The following KHDRBS2 variants were observed in gnomAD, a reference collection of about 807,000 sequenced individuals.
KHDRBS2 encodes the protein KH RNA binding domain containing, signal transduction associated 2, also known as KH domain-containing, RNA-binding, signal transduction-associated protein 2.
Under a neutral mutation model 44.3 loss-of-function variants are expected in KHDRBS2, and 26 were observed. The ratio of observed to expected loss-of-function variants is 0.59; its 90% CI spans 0.43 to 0.81. The LOEUF (loss-of-function observed/expected upper bound fraction) is 0.81, where lower values mean the gene tolerates loss of function less well. Ranked by LOEUF, KHDRBS2 falls within the 40% of genes least tolerant of loss-of-function variation. The pLI, the probability that KHDRBS2 is intolerant of heterozygous loss-of-function variation, is 0.00. For missense variants in KHDRBS2, 476 were observed against 433.1 expected, an observed-to-expected ratio of 1.10 and a Z score of -0.88; for synonymous variants, 194 against 151.1, an observed-to-expected ratio of 1.28 and a Z score of -2.08.
At chr6:62,077,726 T>C (rs1360802716) in intron 2 of KHDRBS2, among the ~76,000 whole-genome samples, 1 of 152,030 alleles carries the variant, frequency 6.6e-6, no homozygotes, top group Non-Finnish European at 1.5e-5. Flanking sequence ...ATACCTTCGG[T>C]TATGCTCATT....
intron 6 of KHDRBS2, among the ~76,000 whole-genome samples, chr6:61,853,813 C>T (rs933315940): frequency 2.6e-5 from 4 of 152,158 alleles, no homozygotes; most frequent in Non-Finnish European, 5.9e-5. Flanking sequence ...CTATTTGTTG[C>T]TCTATCCTGC....
intron 3 of KHDRBS2, among the ~76,000 whole-genome samples, chr6:62,031,790 T>G (rs781343608): frequency 6.6e-6 from 1 of 152,018 alleles, no homozygotes; most frequent in Non-Finnish European, 1.5e-5. Context: ...CTGCACCCAC[T>G]TGGGGCCTGG....
chr6:61,994,439 T>A lies in KHDRBS2; in HGVS notation c.337-16227A>T, dbSNP rs142672872. 4.0e-3 allele frequency among the ~76,000 whole-genome samples: 607 copies of A among 152,292 alleles called. 1 individual carries two copies. The highest frequency in any genetic ancestry group is 0.02 in the Middle Eastern group (6 of 294). ...CATTCCCCTTTTGAGACTGCCTACA[T>A]CTGCCTGAAACATAAGGATCTGGAA... On this transcript the variant is annotated intron_variant, in intron 3 of 8. Coordinates refer to ENST00000281156, the MANE Select transcript of KHDRBS2 (RefSeq NM_152688.4).
At chr6:62,104,753 T>A (rs1408627930) in intron 2 of KHDRBS2, among the ~76,000 whole-genome samples, 1 of 151,734 alleles carries the variant, frequency 6.6e-6, no homozygotes, top group African/African-American at 2.4e-5. Flanking sequence ...AAAGAACAAA[T>A]TAAATATTAT....
At position 62,262,365 on chromosome 6, in the gene KHDRBS2, T is replaced by G. The variant is rs1838491564; in HGVS notation, c.91+23493A>C. On this transcript the variant is annotated intron_variant, in intron 1 of 8. Coordinates refer to ENST00000281156, the MANE Select transcript of KHDRBS2 (RefSeq NM_152688.4). ...TCACCGATTGCTTTATAAAAAGATC[T>G]CATTTTGTATATAACCAGGTGAAAT... 2.6e-5 allele frequency among the ~76,000 whole-genome samples: 4 copies of G among 151,854 alleles called. No individual in the cohort carries two copies. The South Asian group carries it at 8.3e-4, about 32-fold the overall frequency.
At chr6:61,615,407 G>T in the KHDRBS2 span, among the ~76,000 whole-genome samples, 1 of 152,042 alleles carries the variant, frequency 6.6e-6, no homozygotes, top group South Asian at 2.1e-4. Context: ...TCTGTTCTTT[G>T]CTCACTTTAT....
intron 3 of KHDRBS2, among the ~76,000 whole-genome samples, chr6:61,986,722 CT>C (rs1489175162): frequency 1.3e-5 from 2 of 152,176 alleles, no homozygotes; most frequent in Non-Finnish European, 2.9e-5. Context: ...GGTGAGGGCT[CT>C]TTTCCTGGCT....
intron 2 of KHDRBS2, among the ~76,000 whole-genome samples, chr6:62,061,210 G>C (rs1423174023): frequency 6.6e-6 from 1 of 151,176 alleles, no homozygotes; most frequent in African/African-American, 2.4e-5. Context: ...ATTTGATCCT[G>C]TCATTATGAT....
chr6:61,724,222 C>T (rs1014170389), intron 7 of KHDRBS2, among the ~76,000 whole-genome samples: 1 of 152,074 alleles, frequency 6.6e-6, no homozygotes, highest in Non-Finnish European at 1.5e-5. Context: ...AACTAAGCTT[C>T]ATAAATGATG....
chr6:61,806,513 T>C (rs1787190710), intron 6 of KHDRBS2, among the ~76,000 whole-genome samples: 1 of 152,140 alleles, frequency 6.6e-6, no homozygotes, highest in South Asian at 2.1e-4. Flanking sequence ...CATTCCCAAA[T>C]GCAAATGGAT....
intron 7 of KHDRBS2, among the ~76,000 whole-genome samples, chr6:61,730,920 AG>A (rs1285443092): frequency 6.6e-6 from 1 of 151,996 alleles, no homozygotes; most frequent in Non-Finnish European, 1.5e-5. Context: ...CTTGTTTCTT[AG>A]GGTCAGTTAA....
At chr6:62,187,381 A>G (rs1585116488) in intron 1 of KHDRBS2, among the ~76,000 whole-genome samples, 1 of 152,032 alleles carries the variant, frequency 6.6e-6, no homozygotes, top group South Asian at 2.1e-4. Flanking sequence ...AAGGCCTACT[A>G]TTGTCCCAGG....
intron 1 of KHDRBS2, among the ~76,000 whole-genome samples, chr6:62,283,756 T>C (rs17364797): frequency 0.052 from 7,978 of 152,196 alleles, 296 homozygotes; most frequent in Middle Eastern, 0.071. Flanking sequence ...ATTAAGATTA[T>C]TGAGATTCCA....
At chr6:61,760,027 G>GA (rs201641886) in intron 6 of KHDRBS2, among the ~76,000 whole-genome samples, 2 of 151,272 alleles carry the variant, frequency 1.3e-5, no homozygotes, top group South Asian at 2.1e-4. Context: ...AAATAATATT[G>GA]AAAAAAAATA....
At chr6:61,807,538 C>A (rs1343669271) in intron 6 of KHDRBS2, among the ~76,000 whole-genome samples, 1 of 151,852 alleles carries the variant, frequency 6.6e-6, no homozygotes, top group Non-Finnish European at 1.5e-5. Context: ...TGGAGCTGGG[C>A]GCTATTATCC....
At chr6:61,923,950 C>A (rs1301815871) in intron 4 of KHDRBS2, among the ~76,000 whole-genome samples, 1 of 151,864 alleles carries the variant, frequency 6.6e-6, no homozygotes, top group Non-Finnish European at 1.5e-5. Flanking sequence ...TAAATAAATT[C>A]ATCAATGAAA....
At chr6:61,818,352 T>A (rs1182352880) in intron 6 of KHDRBS2, among the ~76,000 whole-genome samples, 3 of 149,546 alleles carry the variant, frequency 2.0e-5, no homozygotes, top group Admixed American at 6.7e-5. Flanking sequence ...ACTCAAGAAG[T>A]TATTGAAATT....
intron 4 of KHDRBS2, among the ~76,000 whole-genome samples, chr6:61,962,502 A>T (rs1416205576): frequency 6.6e-6 from 1 of 151,650 alleles, no homozygotes; most frequent in African/African-American, 2.4e-5. Context: ...TTGCAAAGTT[A>T]TTTTTTTTAA....
intron 6 of KHDRBS2, among the ~76,000 whole-genome samples, chr6:61,755,819 C>A (rs1778409621): frequency 1.4e-5 from 2 of 144,870 alleles, no homozygotes; most frequent in East Asian, 2.1e-4. Flanking sequence ...AAAAAAAAAT[C>A]ATTGGATTAT....
Sources: allele counts gnomAD v4.1 joint callset (sites outside exome capture counted in the v4.1 genomes callset), GRCh38; gene constraint gnomAD v4.1.1; transcripts MANE v1.5; gene names NCBI Gene and HGNC (gene_info 2026-07-23, HGNC 2026-07-21).